The following XKR4 variants were observed in gnomAD, a reference collection of about 807,000 sequenced individuals.
XKR4 encodes the protein XK-related protein 4.
A neutral mutation model predicts 53.9 loss-of-function variants in XKR4; 12 were observed. The observed-to-expected ratio is 0.22, with a 90% CI of 0.14 to 0.36. XKR4 has a LOEUF of 0.36. Among genes scored for constraint, XKR4 ranks in the 10% least tolerant of loss-of-function variants. The probability of loss-of-function intolerance (pLI) is 1.00; values close to 1 mark genes in which losing one functional copy is unlikely to be tolerated. For synonymous variants in XKR4, 354 were observed against 362.4 expected, an observed-to-expected ratio of 0.98 and a Z score of 0.26; for missense variants, 799 against 859.5, an observed-to-expected ratio of 0.93 and a Z score of 0.88.
chr8:55,302,406 G>C (rs1819215185), intron 1 of XKR4, among the ~76,000 whole-genome samples: 1 of 152,108 alleles, frequency 6.6e-6, no homozygotes, highest in Non-Finnish European at 1.5e-5. Flanking sequence ...TAGCCTTGTA[G>C]TATAGTTTGA....
chr8:55,177,013 T>G (rs547941696), intron 1 of XKR4, among the ~76,000 whole-genome samples: 5 of 151,742 alleles, frequency 3.3e-5, no homozygotes, highest in Admixed American at 3.3e-4. Context: ...AATCCATAAA[T>G]GTGAGTGGTC....
At chr8:55,398,464 TC>T (rs1446689786) in intron 2 of XKR4, among the ~76,000 whole-genome samples, 1 of 152,158 alleles carries the variant, frequency 6.6e-6, no homozygotes, top group Non-Finnish European at 1.5e-5. Context: ...TAAAAATACA[TC>T]AGAATAGCTC....
chr8:55,473,976 G>A (rs1483744410), intron 2 of XKR4, among the ~76,000 whole-genome samples: 2 of 150,824 alleles, frequency 1.3e-5, no homozygotes, highest in Non-Finnish European at 2.9e-5. Context: ...CACGATCATA[G>A]CTCATTGCAA....
At chr8:55,359,444 T>C (rs1803868674) in intron 2 of XKR4, among the ~76,000 whole-genome samples, 1 of 152,240 alleles carries the variant, frequency 6.6e-6, no homozygotes, top group African/African-American at 2.4e-5. Flanking sequence ...GCCAGGTATA[T>C]GTTTTAGGAA....
intron 2 of XKR4, among the ~76,000 whole-genome samples, 153 bp from the exon 3 acceptor site, chr8:55,523,128 C>G (rs540642836): frequency 1.4e-5 from 2 of 141,274 alleles, no homozygotes; most frequent in Admixed American, 1.5e-4. Flanking sequence ...GGCAACAGAG[C>G]GAGACTCTGT....
rs190682527 is a variant in XKR4, at chr8:55,212,006, G to C, written c.806+108712G>C. ...GGAATGAGGTGGTGGAGGCCCCAAGGGGGTGGAGGGGCAGGGAGCTTCCAG... is the reference window on the plus strand; with the variant it reads ...GGAATGAGGTGGTGGAGGCCCCAAGCGGGTGGAGGGGCAGGGAGCTTCCAG... On this transcript the variant is annotated intron_variant, in intron 1 of 2. Transcript: ENST00000327381. 4.0e-3 allele frequency among the ~76,000 whole-genome samples: 602 copies of C among 152,254 alleles called. 6 individuals carry two copies. Among genetic ancestry groups the C allele is most frequent in the African/African-American group, 0.012 (517 of 41,548 alleles).
chr8:55,223,383 TA>T lies in XKR4; in HGVS notation c.806+120091del, dbSNP rs146653494. On this transcript the variant is annotated intron_variant, in intron 1 of 2. Coordinates refer to ENST00000327381, the MANE Select transcript of XKR4 (RefSeq NM_052898.2). ...AGTTAATATCCTGTTTTGTGTTCAG[TA>T]ATATATGGGACACTGTGGAAACTTA... is the stretch of plus-strand genomic sequence containing the variant. 2.6e-3 allele frequency among the ~76,000 whole-genome samples: 396 copies of T among 152,318 alleles called. 1 individual carries two copies. Among genetic ancestry groups the T allele is most frequent in the African/African-American group, 9.3e-3 (387 of 41,572 alleles).
chr8:55,314,697 T>G (rs1370327780), intron 1 of XKR4, among the ~76,000 whole-genome samples: 1 of 152,234 alleles, frequency 6.6e-6, no homozygotes, highest in Non-Finnish European at 1.5e-5. Flanking sequence ...AAAGAATGCG[T>G]GTGCACATTA....
chr8:55,366,487 T>A (rs541721641), intron 2 of XKR4, among the ~76,000 whole-genome samples: 98 of 152,314 alleles, frequency 6.4e-4, no homozygotes, highest in African/African-American at 2.2e-3. Context: ...CTTCCTTAAA[T>A]GCGTGACCAC....
chr8:55,154,947 A>G (rs538999538), intron 1 of XKR4, among the ~76,000 whole-genome samples: 2 of 152,312 alleles, frequency 1.3e-5, no homozygotes, highest in African/African-American at 4.8e-5. Flanking sequence ...GTACGACGTG[A>G]GGACCAAATC....
intron 2 of XKR4, among the ~76,000 whole-genome samples, chr8:55,430,175 G>C (rs545374822): frequency 6.6e-6 from 1 of 152,044 alleles, no homozygotes; most frequent in East Asian, 1.9e-4. Flanking sequence ...AATGAATTCC[G>C]CACCACCCCA....
chr8:55,458,393 G>A (rs551174504), intron 2 of XKR4, among the ~76,000 whole-genome samples: 49 of 152,236 alleles, frequency 3.2e-4, no homozygotes, highest in African/African-American at 1.1e-3. Flanking sequence ...ATGGTCCCGT[G>A]GCAGTGTCTA....
intron 1 of XKR4, among the ~76,000 whole-genome samples, chr8:55,131,847 C>G (rs1031128196): frequency 3.3e-5 from 5 of 152,046 alleles, no homozygotes; most frequent in Non-Finnish European, 5.9e-5. Flanking sequence ...ATAGCCAGGA[C>G]TGCAGGCATT....
At chr8:55,157,346 GAGAT>G (rs1816921131) in intron 1 of XKR4, among the ~76,000 whole-genome samples, 1 of 152,182 alleles carries the variant, frequency 6.6e-6, no homozygotes, top group African/African-American at 2.4e-5. Flanking sequence ...TTATGATAAA[GAGAT>G]AGCATCATCT....
At chr8:55,466,625 TA>T (rs11327180) in intron 2 of XKR4, among the ~76,000 whole-genome samples, 62,285 of 151,762 alleles carry the variant, frequency 0.41, 13,458 homozygotes, top group East Asian at 0.53. Context: ...CCCTAAAACT[TA>T]AAAGTATAAT....
At chr8:55,293,567 A>G (rs1819061654) in intron 1 of XKR4, among the ~76,000 whole-genome samples, 1 of 152,170 alleles carries the variant, frequency 6.6e-6, no homozygotes, top group East Asian at 1.9e-4. Flanking sequence ...GAAACACTTT[A>G]TATATTATTA....
chr8:55,454,251 C>CAGCT, intron 2 of XKR4: 1 of 1,234,738 alleles, frequency 8.1e-7, no homozygotes, highest in Non-Finnish European at 1.2e-6. Context: ...CCATCCAGAT[C>CAGCT]AGCTACAATC....
chr8:55,108,555 A>G (rs1406245928), intron 1 of XKR4, among the ~76,000 whole-genome samples: 3 of 152,152 alleles, frequency 2.0e-5, no homozygotes, highest in Non-Finnish European at 4.4e-5. Flanking sequence ...TGGGAGAGTC[A>G]TTTTTCAGAA....
intron 1 of XKR4, among the ~76,000 whole-genome samples, chr8:55,350,842 T>C (rs574202487): frequency 6.7e-6 from 1 of 150,244 alleles, no homozygotes; most frequent in African/African-American, 2.5e-5. Context: ...CAGGTTCAAG[T>C]GATTCTCCTG....
Sources: allele counts gnomAD v4.1 joint callset (sites outside exome capture counted in the v4.1 genomes callset), GRCh38; gene constraint gnomAD v4.1.1; transcripts MANE v1.5; gene names NCBI Gene and HGNC (gene_info 2026-07-23, HGNC 2026-07-21).